The following NRG1 variants were observed in gnomAD, a reference collection of about 807,000 sequenced individuals.
The protein encoded by NRG1 is pro-neuregulin-1, membrane-bound isoform.
Under a neutral mutation model 63.8 loss-of-function variants are expected in NRG1, and 18 were observed. That is an observed-to-expected ratio of 0.28 (90% CI 0.19 to 0.42). The LOEUF (loss-of-function observed/expected upper bound fraction) is 0.42, where lower values mean the gene tolerates loss of function less well. NRG1 is among the 10% of genes least tolerant of loss of function. The pLI is 1.00. For missense variants in NRG1, 762 were observed against 814.7 expected (o/e 0.94, Z 0.79); for synonymous variants, 302 against 301.3 (o/e 1.00, Z -0.02).
chr8:32,566,748 C>G (rs972146935), intron 1 of NRG1, among the ~76,000 whole-genome samples: 30 of 152,146 alleles, frequency 2.0e-4, no homozygotes, highest in Non-Finnish European at 1.0e-4. Context: ...AATCATTAGT[C>G]ATTAAGGAGC....
At chr8:32,748,337 G>GCACACACA (rs1310986635) in intron 7 of NRG1, among the ~76,000 whole-genome samples, 20 of 104,554 alleles carry the variant, frequency 1.9e-4, no homozygotes, top group African/African-American at 5.5e-4. Flanking sequence ...ACGCGCGCGC[G>GCACACACA]CGCACACACA....
In NRG1 at chr8:31,910,062, G is replaced by T. The variant is rs537772428; in HGVS notation, c.37+270631G>T. ...GTGATAACTGTAAGAAAGAAACAGA[G>T]TGCCCTGATAAAAATTAAGTACGCT... On this transcript the variant is annotated intron_variant, in intron 1 of 10. Transcript: ENST00000519301. 3.9e-3 allele frequency among the ~76,000 whole-genome samples: 597 copies of T among 152,332 alleles called. 5 individuals are homozygous for T. The highest frequency in any genetic ancestry group is 0.013 in the African/African-American group (556 of 41,590).
At chr8:32,189,130 C>A (rs1370171659) in intron 1 of NRG1, among the ~76,000 whole-genome samples, 3 of 152,006 alleles carry the variant, frequency 2.0e-5, no homozygotes, top group African/African-American at 7.3e-5. Flanking sequence ...AAGATTTCAA[C>A]ATTTGCTTTA....
At chr8:32,352,814 A>G (rs1805781352) in intron 1 of NRG1, among the ~76,000 whole-genome samples, 1 of 151,910 alleles carries the variant, frequency 6.6e-6, no homozygotes, top group Non-Finnish European at 1.5e-5. Context: ...GGAGTTTGCA[A>G]CTGCAGTGAG....
intron 1 of NRG1, among the ~76,000 whole-genome samples, chr8:32,200,609 G>A (rs1354551115): frequency 6.6e-6 from 1 of 152,162 alleles, no homozygotes; most frequent in East Asian, 1.9e-4. Context: ...TGGAAGCTCT[G>A]TGTGCATGAC....
intron 5 of NRG1, among the ~76,000 whole-genome samples, chr8:32,670,028 T>A (rs1341628922): frequency 2.0e-5 from 3 of 152,228 alleles, no homozygotes; most frequent in African/African-American, 7.2e-5. Flanking sequence ...TAACATCATG[T>A]GCATTTTTAT....
At chr8:32,576,113 C>T (rs10095120) in intron 1 of NRG1, among the ~76,000 whole-genome samples, 7,883 of 152,190 alleles carry the variant, frequency 0.052, 707 homozygotes, top group African/African-American at 0.18. Flanking sequence ...CATCATCTCA[C>T]ATACCATTTG....
intron 1 of NRG1, among the ~76,000 whole-genome samples, chr8:32,000,371 T>C (rs559929121): frequency 2.0e-5 from 3 of 152,004 alleles, no homozygotes; most frequent in African/African-American, 7.2e-5. Context: ...TTCACCTTGT[T>C]CTTTTTTTTT....
At chr8:32,321,037 A>G (rs1801321853) in intron 1 of NRG1, among the ~76,000 whole-genome samples, 1 of 152,150 alleles carries the variant, frequency 6.6e-6, no homozygotes, top group African/African-American at 2.4e-5. Flanking sequence ...CTTCTTTGAA[A>G]TATGGTTCTT....
intron 11 of NRG1, among the ~76,000 whole-genome samples, chr8:32,762,038 CA>C (rs11407724): frequency 0.024 from 1,949 of 81,432 alleles, 19 homozygotes; most frequent in African/African-American, 0.1. Flanking sequence ...GACTCCGCCT[CA>C]AAAAAAAAAA....
chr8:32,108,258 A>C (rs1015042437), intron 1 of NRG1, among the ~76,000 whole-genome samples: 3 of 152,176 alleles, frequency 2.0e-5, no homozygotes, highest in African/African-American at 7.2e-5. Flanking sequence ...CTGCTATAAC[A>C]AAATGCCTGA....
intron 1 of NRG1, among the ~76,000 whole-genome samples, chr8:32,234,468 T>C (rs1441669286): frequency 6.6e-6 from 1 of 152,178 alleles, no homozygotes; most frequent in East Asian, 1.9e-4. Context: ...AAACTGAGCC[T>C]CCCATAAGCT....
At chr8:32,110,300 AT>A (rs57503266) in intron 1 of NRG1, among the ~76,000 whole-genome samples, 22,127 of 152,076 alleles carry the variant, frequency 0.15, 2,747 homozygotes, top group African/African-American at 0.33. Context: ...CTAGAAAAAA[AT>A]GTCAGAGAAG....
In NRG1 at chr8:32,463,874, C is replaced by CTTTTTTTTTTTTTTTTTTT. The variant is rs756489856; in HGVS notation, c.38-131933_38-131915dup. On this transcript the variant is annotated intron_variant, in intron 1 of 10. Transcript: ENST00000519301. ...ACACACACGAAAAAAACTTAGAATT[C>CTTTTTTTTTTTTTTTTTTT]TTTTTTTTTTTTTTTTTTTTTTTTT... Among the ~76,000 whole-genome samples the CTTTTTTTTTTTTTTTTTTT allele has an allele frequency of 2.1e-4, 9 of 42,354 alleles. 1 individual carries two copies. The South Asian group carries it at 3.7e-3, about 18-fold the overall frequency. 27.8% of individuals were successfully genotyped at this position (42,354 alleles called of 152,430 possible). A position where few individuals can be genotyped will look rare whatever the true frequency, so the allele number is the denominator to read the frequency against.
intron 1 of NRG1, among the ~76,000 whole-genome samples, chr8:31,679,095 T>G (rs2131047729): frequency 6.6e-6 from 1 of 152,126 alleles, no homozygotes; most frequent in East Asian, 1.9e-4. Flanking sequence ...TTACTCTCTT[T>G]GCACATGCTT....
At chr8:32,720,081 A>G (rs1820247741) in intron 5 of NRG1, among the ~76,000 whole-genome samples, 2 of 151,994 alleles carry the variant, frequency 1.3e-5, no homozygotes, top group Admixed American at 6.6e-5. Context: ...TTGACCTTTC[A>G]GCTACTTTCA....
chr8:32,646,681 T>C, intron 5 of NRG1: 2 of 985,170 alleles, frequency 2.0e-6, no homozygotes, highest in South Asian at 4.7e-5. Context: ...GGACAGCTTT[T>C]GTAGAGAAAG....
chr8:32,546,823 T>C (rs553871638), upstream of NRG1, among the ~76,000 whole-genome samples: 1 of 152,268 alleles, frequency 6.6e-6, no homozygotes, highest in South Asian at 2.1e-4. Flanking sequence ...AAAATTAGTG[T>C]GATTTTAGGA....
chr8:32,725,694 G>T (rs545511451), intron 5 of NRG1, among the ~76,000 whole-genome samples: 1 of 151,378 alleles, frequency 6.6e-6, no homozygotes, highest in African/African-American at 2.4e-5. Context: ...CAGGCTGGTC[G>T]CAAACTCCTG....
Sources: allele counts gnomAD v4.1 joint callset (sites outside exome capture counted in the v4.1 genomes callset), GRCh38; gene constraint gnomAD v4.1.1; transcripts MANE v1.5; gene names NCBI Gene and HGNC (gene_info 2026-07-23, HGNC 2026-07-21).